RCAN2: variants seen among roughly 807,000 people sequenced by gnomAD.
RCAN2 encodes the protein calcipressin-2.
Under a neutral mutation model 23.6 loss-of-function variants are expected in RCAN2, and 9 were observed. The ratio of observed to expected loss-of-function variants is 0.38; its 90% CI spans 0.23 to 0.67. The LOEUF (loss-of-function observed/expected upper bound fraction) is 0.67. Ranked by LOEUF, RCAN2 falls within the 30% of genes least tolerant of loss-of-function variation. The pLI, the probability that RCAN2 is intolerant of heterozygous loss-of-function variation, is 0.51. For synonymous variants in RCAN2, 109 were observed against 115.7 expected, an observed-to-expected ratio of 0.94 and a Z score of 0.37; for missense variants, 273 against 302.3, an observed-to-expected ratio of 0.90 and a Z score of 0.72.
intron 2 of RCAN2, among the ~76,000 whole-genome samples, chr6:46,395,295 C>G (rs1290465770): frequency 1.3e-5 from 2 of 151,932 alleles, no homozygotes; most frequent in Non-Finnish European, 2.9e-5. Context: ...CAAGCTGAGT[C>G]CTGGGCACTT....
At chr6:46,360,386 T>C (rs141181276) in intron 2 of RCAN2, among the ~76,000 whole-genome samples, 1,588 of 151,470 alleles carry the variant, frequency 0.01, 27 homozygotes, top group African/African-American at 0.036. Context: ...CAAAAAAAAT[T>C]AGCGGGGCGT....
At chr6:46,334,739 T>G (rs960288756) in intron 2 of RCAN2, among the ~76,000 whole-genome samples, 2 of 152,194 alleles carry the variant, frequency 1.3e-5, no homozygotes, top group Non-Finnish European at 2.9e-5. Flanking sequence ...AGTTAGCACC[T>G]TACTGCTGCT....
chr6:46,465,109 C>T lies in RCAN2; in HGVS notation c.-2-8131G>A, dbSNP rs142383696. Among the ~76,000 whole-genome samples, 1,105 of 152,162 alleles carry T rather than the reference C, an allele frequency of 7.3e-3. 11 individuals are homozygous for T. Among genetic ancestry groups the T allele is most frequent in the African/African-American group, 0.025 (1,055 of 41,510 alleles). On this transcript the variant is annotated intron_variant, in intron 1 of 4. Coordinates refer to ENST00000371374, the MANE Select transcript of RCAN2 (RefSeq NM_001251974.2). The stretch of plus-strand genomic sequence containing the variant: ...ACAAGCAAATAGGGCATTTGTATTC[C>T]ATTCCCACAAACCTAATATCATCAT...
intron 1 of RCAN2, among the ~76,000 whole-genome samples, chr6:46,480,579 C>A (rs1222308042): frequency 1.3e-5 from 2 of 152,038 alleles, no homozygotes; most frequent in East Asian, 1.9e-4. Context: ...AAAAAGAAAC[C>A]TATTCACCCA....
At chr6:46,413,733 T>C (rs1766617601) in intron 2 of RCAN2, among the ~76,000 whole-genome samples, 1 of 152,210 alleles carries the variant, frequency 6.6e-6, no homozygotes, top group South Asian at 2.1e-4. Flanking sequence ...TTCTTGGAAA[T>C]GAAGTCTCTT....
At chr6:46,258,050 A>G (rs1375278134) in intron 2 of RCAN2, among the ~76,000 whole-genome samples, 1 of 152,236 alleles carries the variant, frequency 6.6e-6, no homozygotes, top group African/African-American at 2.4e-5. Flanking sequence ...CACAATTATG[A>G]TCCCTTTGGG....
intron 2 of RCAN2, among the ~76,000 whole-genome samples, chr6:46,311,199 A>C (rs369982336): frequency 6.6e-6 from 1 of 152,114 alleles, no homozygotes; most frequent in East Asian, 1.9e-4. Context: ...TGATGCCCAA[A>C]GTGAGTGGTC....
Position 46,223,087 on chromosome 6 carries a change from G to A in RCAN2, c.*54C>T. 6.3e-7 allele frequency: 1 copy of A among 1,583,976 alleles called. No homozygotes were observed. Among genetic ancestry groups the A allele is most frequent in the East Asian group, 2.2e-5 (1 of 44,630 alleles). On this transcript the variant is annotated 3_prime_UTR_variant, in exon 5 of 5. Transcript: ENST00000371374. ...GGCAATTTTTTTTGACAAACAACAG[G>A]GGGAAAAAGCATGATAAAGAGGAGA...
rs1767003696 is a variant in RCAN2, at chr6:46,425,390, C to T, written c.225+31362G>A. Among the ~76,000 whole-genome samples the T allele has an allele frequency of 2.0e-5, 3 of 152,082 alleles. No homozygotes were observed. In the South Asian group the frequency reaches 6.2e-4, roughly 32 times the overall value. The stretch of plus-strand genomic sequence containing the variant: ...TATGTGAGAATATAAGTGAAAAAGG[C>T]AAAAACATCCTTGTACCTAAAAAGA... On this transcript the variant is annotated intron_variant, in intron 2 of 4. Coordinates refer to ENST00000371374, the MANE Select transcript of RCAN2 (RefSeq NM_001251974.2).
chr6:46,225,159 C>A (rs1282397632), intron 4 of RCAN2, among the ~76,000 whole-genome samples: 4 of 152,206 alleles, frequency 2.6e-5, no homozygotes, highest in Non-Finnish European at 5.9e-5. Flanking sequence ...ATATGTGCCA[C>A]CTTTTCTTAA....
chr6:46,427,876 A>T (rs116386762), intron 2 of RCAN2, among the ~76,000 whole-genome samples: 1 of 152,384 alleles, frequency 6.6e-6, no homozygotes, highest in Non-Finnish European at 1.5e-5. Flanking sequence ...GCCTTGATTT[A>T]CTAAGGACCA....
In RCAN2 at chr6:46,456,779, C is replaced by T; in HGVS notation, c.198G>A (p.Gln66=). ...PNSLFACNVH[Q]SVFEGEESKE... ...TGCTCTCTTCTCCTTCAAACACTGA[C>T]TGGTGAACATTGCACGCAAACAACG... The change falls in exon 2 of 5, where the codon CAG becomes CAA. Residue 66 remains glutamine (Q), a synonymous_variant. Transcript: ENST00000371374. 1.3e-6 allele frequency: 2 copies of T among 1,550,908 alleles called. No homozygotes were observed. The highest frequency in any genetic ancestry group is 4.9e-5 in the East Asian group (2 of 40,922).
In RCAN2 at chr6:46,446,147, G is replaced by T. The variant is rs537033631; in HGVS notation, c.225+10605C>A. 2.3e-3 allele frequency among the ~76,000 whole-genome samples: 341 copies of T among 147,258 alleles called. 2 individuals are homozygous for T. Among genetic ancestry groups the T allele is most frequent in the African/African-American group, 8.1e-3 (322 of 39,842 alleles). On this transcript the variant is annotated intron_variant, in intron 2 of 4. Coordinates refer to ENST00000371374, the MANE Select transcript of RCAN2 (RefSeq NM_001251974.2). ...AATTGTCAAAAATCAAAGATAAAAA[G>T]AGGATCCTAAAAGCAAGAAAAAAAA...
rs151244896 is a variant in RCAN2, at chr6:46,230,640, G to T, written c.572-7339C>A. On this transcript the variant is annotated intron_variant, in intron 4 of 4. Transcript: ENST00000371374. ...GACCATTGGAAAAGCACAGTATTAG[G>T]GTGGGAGTGACCCGACTTTCCAGGT... Among the ~76,000 whole-genome samples the T allele has an allele frequency of 7.9e-3, 1,205 of 152,264 alleles. 11 individuals are homozygous for T. Among genetic ancestry groups the T allele is most frequent in the African/African-American group, 0.027 (1,138 of 41,540 alleles).
chr6:46,450,291 G>T (rs1044961349), intron 2 of RCAN2, among the ~76,000 whole-genome samples: 1 of 151,850 alleles, frequency 6.6e-6, no homozygotes, highest in South Asian at 2.1e-4. Flanking sequence ...TGGAAAAAAG[G>T]TGAAAGTGTT....
At chr6:46,270,014 C>T (rs957596805) in intron 2 of RCAN2, among the ~76,000 whole-genome samples, 1 of 152,290 alleles carries the variant, frequency 6.6e-6, no homozygotes. Context: ...CAGCTGAGAA[C>T]ATTCAGCTGT....
At chr6:46,246,479 T>G (rs1766517023) in intron 4 of RCAN2, among the ~76,000 whole-genome samples, 1 of 152,206 alleles carries the variant, frequency 6.6e-6, no homozygotes, top group Non-Finnish European at 1.5e-5. Context: ...TAGGTAGTGC[T>G]GTTGGATCTT....
intron 1 of RCAN2, among the ~76,000 whole-genome samples, chr6:46,469,074 A>G (rs1444001742): frequency 1.3e-5 from 2 of 152,112 alleles, no homozygotes; most frequent in Non-Finnish European, 1.5e-5. Flanking sequence ...TAATACCCTC[A>G]GGTTCCTACA....
intron 2 of RCAN2, among the ~76,000 whole-genome samples, chr6:46,368,325 A>G (rs1765227678): frequency 6.6e-6 from 1 of 152,214 alleles, no homozygotes; most frequent in African/African-American, 2.4e-5. Context: ...CCTTTCTGGT[A>G]TCATATGCCT....
Sources: allele counts gnomAD v4.1 joint callset (sites outside exome capture counted in the v4.1 genomes callset), GRCh38; gene constraint gnomAD v4.1.1; transcripts MANE v1.5; gene names NCBI Gene and HGNC (gene_info 2026-07-23, HGNC 2026-07-21).